The following PDLIM1 variants were observed in gnomAD, a reference collection of about 807,000 sequenced individuals.
PDLIM1 encodes PDZ and LIM domain 1.
In PDLIM1, 25 loss-of-function variants were observed where a neutral mutation model predicts 35.2. That is an observed-to-expected ratio of 0.71 (90% confidence interval 0.52 to 0.99). The LOEUF is 0.99. Ranked by LOEUF, PDLIM1 falls within the 50% of genes least tolerant of loss-of-function variation. PDLIM1 has a pLI of 0.00. For missense variants in PDLIM1, 363 were observed against 415.3 expected (o/e 0.87, Z 1.09); for synonymous variants, 152 against 154.0 (o/e 0.99, Z 0.10).
intron 4 of PDLIM1, among the ~76,000 whole-genome samples, chr10:95,254,135 G>A (rs536685191): frequency 2.6e-5 from 4 of 152,168 alleles, no homozygotes; most frequent in South Asian, 2.1e-4. Flanking sequence ...ATCAATCATC[G>A]CATTAATGTT....
At chr10:95,257,035 A>AAAGAAAGAAAGAAAGAAAGAAAGG (rs1428326183) in intron 4 of PDLIM1, among the ~76,000 whole-genome samples, 2 of 149,896 alleles carry the variant, frequency 1.3e-5, no homozygotes, top group Admixed American at 6.6e-5. Flanking sequence ...AGAAAGAAAG[A>AAAGAAAGAAAGAAAGAAAGAAAGG]AAGAATTCAA....
At chr10:95,264,545 G>C (rs45550034) in intron 3 of PDLIM1, among the ~76,000 whole-genome samples, 24,510 of 152,150 alleles carry the variant, frequency 0.16, 2,257 homozygotes, top group Admixed American at 0.23. Flanking sequence ...AAGGTAAGAG[G>C]GTGTGGTGTC....
At chr10:95,283,977 TTC>T (rs3979532) in intron 1 of PDLIM1, among the ~76,000 whole-genome samples, 1 of 129,310 alleles carries the variant, frequency 7.7e-6, no homozygotes, top group Non-Finnish European at 1.7e-5. Context: ...TATGGCCTTT[TTC>T]TCTGTGTGTG....
Position 95,290,220 on chromosome 10 carries a change from G to A in PDLIM1, c.96+600C>T, listed in dbSNP as rs1345943074. 1.3e-5 allele frequency among the ~76,000 whole-genome samples: 2 copies of A among 152,080 alleles called. No individual in the cohort carries two copies. The highest frequency in any genetic ancestry group is 2.4e-5 in the African/African-American group (1 of 41,348). Reference sequence around the variant, plus strand: ...GCGGGGCCACGTTCTGCAGAGGGGAGAATGACCAAGAGGGTTTACTTGAGT... The same window carrying A: ...GCGGGGCCACGTTCTGCAGAGGGGAAAATGACCAAGAGGGTTTACTTGAGT... On this transcript the variant is annotated intron_variant, in intron 1 of 6. Coordinates refer to ENST00000329399, the MANE Select transcript of PDLIM1 (RefSeq NM_020992.4). This position sits in a 1 kb window ranked among gnomAD's most constrained non-coding sequence, Gnocchi z 4.7.
At chr10:95,281,311 G>A (rs2035559297) in intron 1 of PDLIM1, among the ~76,000 whole-genome samples, 1 of 151,684 alleles carries the variant, frequency 6.6e-6, no homozygotes, top group South Asian at 2.1e-4. Context: ...GGCAGGGATG[G>A]CTCATGCCTA....
chr10:95,237,708 G>A lies in PDLIM1; in HGVS notation c.*217C>T, dbSNP rs1327035819. The A allele has an allele frequency of 9.1e-6, 5 of 546,854 alleles. No individual in the cohort carries two copies. The highest frequency in any genetic ancestry group is 7.5e-5 in the African/African-American group (4 of 53,088). 33.9% of individuals were successfully genotyped at this position (546,854 alleles called of 1,614,324 possible). A position where few individuals can be genotyped will look rare whatever the true frequency, so the allele number is the denominator to read the frequency against. ...CGAAGGGACACAGTGTTGCTGACAAGGTGACACTGAACAAAACAGTTTTCC... is the reference window on the plus strand; with the variant it reads ...CGAAGGGACACAGTGTTGCTGACAAAGTGACACTGAACAAAACAGTTTTCC... On this transcript the variant is annotated 3_prime_UTR_variant, in exon 7 of 7. Transcript: ENST00000329399.
chr10:95,237,813 C>A lies in PDLIM1; in HGVS notation c.*112G>T. On this transcript the variant is annotated 3_prime_UTR_variant, in exon 7 of 7. Transcript: ENST00000329399. ...GGGAGGGGACTCAATGTTTTACAAG[C>A]AGAGGGAAAACCAAAGTAAGCAGAG... The A allele has an allele frequency of 1.2e-6, 1 of 854,544 alleles. No individual in the cohort carries two copies. The highest frequency in any genetic ancestry group is 1.8e-6 in the Non-Finnish European group (1 of 551,170). The allele number at this position is 854,544 out of a possible 1,614,324, so 52.9% of individuals were successfully genotyped here.
chr10:95,266,093 A>G (rs1705323190), intron 3 of PDLIM1, among the ~76,000 whole-genome samples: 1 of 152,018 alleles, frequency 6.6e-6, no homozygotes, highest in South Asian at 2.1e-4. Context: ...AGCTACTCAG[A>G]GGCTGAGGCA....
At chr10:95,239,147 T>C (rs1429988377) in intron 5 of PDLIM1, among the ~76,000 whole-genome samples, 3 of 152,190 alleles carry the variant, frequency 2.0e-5, no homozygotes, top group African/African-American at 7.2e-5. Context: ...GCTAGCCATA[T>C]GCAGAAAATT....
At chr10:95,272,345 G>A (rs371581933) in intron 1 of PDLIM1, among the ~76,000 whole-genome samples, 64 of 152,260 alleles carry the variant, frequency 4.2e-4, no homozygotes, top group African/African-American at 1.5e-3. Flanking sequence ...ATACAGTTTT[G>A]CAATGTTTTT....
At chr10:95,238,891 G>A (rs2860999) in intron 5 of PDLIM1, 173,351 of 484,844 alleles carry the variant, frequency 0.36, 33,114 homozygotes, top group Middle Eastern at 0.47. Context: ...CCTGGCCAAA[G>A]AAAAGCCCAA....
intron 1 of PDLIM1, among the ~76,000 whole-genome samples, chr10:95,278,466 T>G (rs912179203): frequency 6.6e-6 from 1 of 152,054 alleles, no homozygotes; most frequent in African/African-American, 2.4e-5. Flanking sequence ...GAGACAAGCA[T>G]GTACAACAGC....
chr10:95,256,986 A>AAAAAAGAAAGAAAGAAAGAAAG (rs1554832103), intron 4 of PDLIM1, among the ~76,000 whole-genome samples: 7 of 61,664 alleles, frequency 1.1e-4, no homozygotes, highest in Admixed American at 2.0e-4. Flanking sequence ...AAAAAAAAAA[A>AAAAAAGAAAGAAAGAAAGAAAG]AAAGAAAGAA....
chr10:95,258,073 AAG>A (rs951543761), intron 4 of PDLIM1, among the ~76,000 whole-genome samples: 1 of 152,032 alleles, frequency 6.6e-6, no homozygotes, highest in Non-Finnish European at 1.5e-5. Context: ...GGAGCAGGCA[AAG>A]AGAGAGAGAG....
chr10:95,238,528 C>A lies in PDLIM1; in HGVS notation c.803+40G>T, dbSNP rs143667794. 1.0e-4 allele frequency: 126 copies of A among 1,245,952 alleles called. 2 individuals are homozygous for A. The East Asian group carries it at 2.8e-3, about 28-fold the overall frequency. 77.2% of individuals were successfully genotyped at this position (1,245,952 alleles called of 1,614,324 possible). A position where few individuals can be genotyped will look rare whatever the true frequency, so the allele number is the denominator to read the frequency against. ...TTCCACATTTTCATGGTTTACCCAA[C>A]CTGCAGGGTCTGCAAAGGCTGTGGG... On this transcript the variant is annotated intron_variant, in intron 6 of 6. Transcript: ENST00000329399.
chr10:95,256,327 G>A (rs2035310147), intron 4 of PDLIM1, among the ~76,000 whole-genome samples: 1 of 151,842 alleles, frequency 6.6e-6, no homozygotes, highest in African/African-American at 2.4e-5. Context: ...GGCATTTTTT[G>A]CAGATAAAAA....
rs59292355 is a variant in PDLIM1 at position 95,255,900 on chromosome 10, TAC to T, written c.533+7962_533+7963del. Among the ~76,000 whole-genome samples, 850 of 138,828 alleles carry T rather than the reference TAC, an allele frequency of 6.1e-3. 6 individuals carry two copies. The highest frequency in any genetic ancestry group is 0.027 in the South Asian group (109 of 4,046). 91.1% of individuals were successfully genotyped at this position (138,828 alleles called of 152,430 possible). A position where few individuals can be genotyped will look rare whatever the true frequency, so the allele number is the denominator to read the frequency against. The stretch of plus-strand genomic sequence containing the variant: ...GAAAACCCTAAAGATCCCCCCCCAC[TAC>T]ACACACACACACACACACACACACA... On this transcript the variant is annotated intron_variant, in intron 4 of 6. Coordinates refer to ENST00000329399, the MANE Select transcript of PDLIM1 (RefSeq NM_020992.4).
intron 1 of PDLIM1, among the ~76,000 whole-genome samples, chr10:95,287,062 T>A (rs1220512715): frequency 1.3e-5 from 2 of 152,222 alleles, no homozygotes; most frequent in Non-Finnish European, 2.9e-5. Flanking sequence ...GAGGGGAGAC[T>A]ATCTGGTCAG....
At chr10:95,280,576 T>C (rs1422126784) in intron 1 of PDLIM1, among the ~76,000 whole-genome samples, 6 of 152,162 alleles carry the variant, frequency 3.9e-5, no homozygotes, top group African/African-American at 1.4e-4. Context: ...TTCGCAGAAG[T>C]ACTCCAGCCT....
Sources: allele counts gnomAD v4.1 joint callset (sites outside exome capture counted in the v4.1 genomes callset), GRCh38; gene constraint gnomAD v4.1.1; non-coding constraint Gnocchi (gnomAD v3.1); transcripts MANE v1.5; gene names NCBI Gene and HGNC (gene_info 2026-07-23, HGNC 2026-07-21).